AKAP6: variants seen among roughly 807,000 people sequenced by gnomAD.
AKAP6 encodes the protein A-kinase anchor protein 6.
In AKAP6, 58 loss-of-function variants were observed where a neutral mutation model predicts 188.5. The observed-to-expected ratio is 0.31, with a 90% CI of 0.25 to 0.38. The LOEUF (loss-of-function observed/expected upper bound fraction) is 0.38. Among genes scored for constraint, AKAP6 ranks in the 10% least tolerant of loss-of-function variants. The probability of loss-of-function intolerance (pLI) is 1.00; values close to 1 mark genes in which losing one functional copy is unlikely to be tolerated. For missense variants in AKAP6, 2,710 were observed against 2,740.0 expected (o/e 0.99, Z 0.24); for synonymous variants, 989 against 998.6 (o/e 0.99, Z 0.18).
In AKAP6 at chr14:32,686,908, T is replaced by C. The variant is rs941671352; in HGVS notation, c.2879+8449T>C. On this transcript the variant is annotated intron_variant, in intron 8 of 13. Transcript: ENST00000280979. ...GATGAAATTGGGCAATGTCTACAGATAGAGATACAGTTGAGGTTTATGCCT... is the reference window on the plus strand; with the variant it reads ...GATGAAATTGGGCAATGTCTACAGACAGAGATACAGTTGAGGTTTATGCCT... Among the ~76,000 whole-genome samples the C allele has an allele frequency of 1.1e-4, 17 of 152,112 alleles. 1 individual carries two copies. The highest frequency in any genetic ancestry group is 1.3e-4 in the Admixed American group (2 of 15,264).
intron 1 of AKAP6, among the ~76,000 whole-genome samples, chr14:32,354,248 T>C (rs1442208529): frequency 6.6e-6 from 1 of 151,150 alleles, no homozygotes; most frequent in Non-Finnish European, 1.5e-5. Flanking sequence ...ATGGTACTGG[T>C]ACCAAAACAG....
In AKAP6 at chr14:32,806,186, G is replaced by A. The variant is rs527542386; in HGVS notation, c.3589-15216G>A. On this transcript the variant is annotated intron_variant, in intron 12 of 13. Transcript: ENST00000280979. ...GGATTTGCCTACACAGAAATAGAACGGGACATGAGCTTCACACCCAAAGAA... is the reference window on the plus strand; with the variant it reads ...GGATTTGCCTACACAGAAATAGAACAGGACATGAGCTTCACACCCAAAGAA... Among the ~76,000 whole-genome samples, 10 of 152,296 alleles carry A rather than the reference G, an allele frequency of 6.6e-5. No homozygotes were observed. The East Asian group carries it at 1.2e-3, about 18-fold the overall frequency.
chr14:32,427,184 T>G (rs1890063315), intron 1 of AKAP6, among the ~76,000 whole-genome samples: 1 of 152,148 alleles, frequency 6.6e-6, no homozygotes, highest in African/African-American at 2.4e-5. Flanking sequence ...TGACATCCAC[T>G]TGTAGGCTGG....
At chr14:32,623,029 C>T (rs1206564596) in intron 7 of AKAP6, among the ~76,000 whole-genome samples, 7 of 152,040 alleles carry the variant, frequency 4.6e-5, no homozygotes, top group East Asian at 1.9e-4. Context: ...AATCAGTCCC[C>T]GCACAGGCCA....
chr14:32,764,544 G>A (rs1471019656), intron 11 of AKAP6, among the ~76,000 whole-genome samples: 1 of 152,180 alleles, frequency 6.6e-6, no homozygotes, highest in African/African-American at 2.4e-5. Flanking sequence ...GAAAAGCAAT[G>A]TAGCATATTG....
At chr14:32,337,591 CTTTAAG>C (rs1886749085) in intron 1 of AKAP6, among the ~76,000 whole-genome samples, 1 of 151,684 alleles carries the variant, frequency 6.6e-6, no homozygotes, top group African/African-American at 2.4e-5. Context: ...TATTATTATA[CTTTAAG>C]TTTTAGGGTA....
chr14:32,582,425 A>G (rs1885019667), intron 5 of AKAP6, among the ~76,000 whole-genome samples: 1 of 150,884 alleles, frequency 6.6e-6, no homozygotes, highest in Non-Finnish European at 1.5e-5. Context: ...GCTGCCCTTA[A>G]CATTTTTTCC....
At chr14:32,665,340 C>T (rs1482646875) in intron 7 of AKAP6, among the ~76,000 whole-genome samples, 1 of 152,102 alleles carries the variant, frequency 6.6e-6, no homozygotes, top group African/African-American at 2.4e-5. Context: ...CCCATGACCC[C>T]TTCTTTGGGT....
intron 4 of AKAP6, among the ~76,000 whole-genome samples, chr14:32,571,139 T>C (rs1195130000): frequency 6.6e-6 from 1 of 152,180 alleles, no homozygotes; most frequent in Admixed American, 6.5e-5. Flanking sequence ...GAGTACCATC[T>C]GAGGGTTATT....
rs1270718882 is a variant in AKAP6 at position 32,568,504 on chromosome 14, C to A, written c.2347-8616C>A. Among the ~76,000 whole-genome samples, 1 of 151,874 alleles carries A rather than the reference C, an allele frequency of 6.6e-6. No homozygotes were observed. The highest frequency in any genetic ancestry group is 2.1e-4 in the South Asian group (1 of 4,808). ...AATTAAACCATTAAACTATCATAATCCTAAATTCTAAGTTATGAGTATCTC... is the reference window on the plus strand; with the variant it reads ...AATTAAACCATTAAACTATCATAATACTAAATTCTAAGTTATGAGTATCTC... On this transcript the variant is annotated intron_variant, in intron 4 of 13. Transcript: ENST00000280979. This position sits in a 1 kb window ranked among gnomAD's most constrained non-coding sequence, Gnocchi z 6.2.
intron 2 of AKAP6, among the ~76,000 whole-genome samples, chr14:32,476,455 G>A (rs986605575): frequency 1.3e-5 from 2 of 152,120 alleles, no homozygotes; most frequent in Non-Finnish European, 2.9e-5. Context: ...TCTGGAAGAG[G>A]TTTAAGTTGA....
intron 1 of AKAP6, among the ~76,000 whole-genome samples, chr14:32,406,577 C>T (rs1889303383): frequency 6.6e-6 from 1 of 152,102 alleles, no homozygotes. Flanking sequence ...GTTAAAATTG[C>T]AGTAATTCTT....
intron 12 of AKAP6, among the ~76,000 whole-genome samples, chr14:32,816,283 C>G (rs2284900): frequency 0.35 from 52,604 of 151,910 alleles, 9,491 homozygotes; most frequent in East Asian, 0.54. Flanking sequence ...GTGTTGAACT[C>G]GTGGCCTCAA....
chr14:32,587,662 C>G (rs1476988882), intron 5 of AKAP6, among the ~76,000 whole-genome samples: 2 of 152,210 alleles, frequency 1.3e-5, no homozygotes, highest in African/African-American at 4.8e-5. Context: ...CAGCCGTTCT[C>G]TTTTTGAGGC....
At chr14:32,588,687 A>G (rs572305642) in intron 5 of AKAP6, among the ~76,000 whole-genome samples, 111 of 152,300 alleles carry the variant, frequency 7.3e-4, no homozygotes, top group African/African-American at 2.6e-3. Flanking sequence ...GACAGTGCTT[A>G]CAGTCTTGGT....
intron 7 of AKAP6, among the ~76,000 whole-genome samples, chr14:32,674,207 G>A (rs1373350208): frequency 4.6e-5 from 7 of 152,190 alleles, no homozygotes; most frequent in African/African-American, 1.7e-4. Flanking sequence ...TGGTGATCAA[G>A]AGGGAGACTG....
chr14:32,711,502 C>T (rs1010029916), intron 9 of AKAP6, among the ~76,000 whole-genome samples: 3 of 152,054 alleles, frequency 2.0e-5, no homozygotes, highest in Non-Finnish European at 4.4e-5. Context: ...TGCATACACA[C>T]ACACATACAC....
chr14:32,407,587 G>A (rs564488221), intron 1 of AKAP6, among the ~76,000 whole-genome samples: 1 of 152,302 alleles, frequency 6.6e-6, no homozygotes, highest in Admixed American at 6.5e-5. Flanking sequence ...ATGTTAGTGA[G>A]GTGGTTTGAA....
At chr14:32,422,326 G>T (rs969284288) in intron 1 of AKAP6, among the ~76,000 whole-genome samples, 1 of 152,206 alleles carries the variant, frequency 6.6e-6, no homozygotes, top group African/African-American at 2.4e-5. Context: ...GACTCTCTCA[G>T]ATTTGATAAT....
Sources: gnomAD v4.1 joint callset for allele counts (sites outside exome capture counted in the v4.1 genomes callset) on GRCh38, gnomAD v4.1.1 for gene constraint, Gnocchi (gnomAD v3.1) non-coding constraint, MANE v1.5 for transcripts, NCBI Gene and HGNC (gene_info 2026-07-23, HGNC 2026-07-21) for gene names.